EFL1: variants seen among roughly 807,000 people sequenced by gnomAD.
EFL1 encodes the protein elongation factor like GTPase 1, also known as elongation factor-like GTPase 1.
A neutral mutation model predicts 126.7 loss-of-function variants in EFL1; 76 were observed. The ratio of observed to expected loss-of-function variants is 0.60; its 90% confidence interval spans 0.50 to 0.73. The LOEUF is 0.73. Ranked by LOEUF, EFL1 falls within the 30% of genes least tolerant of loss-of-function variation. The pLI is 0.00. For missense variants in EFL1, 1,128 were observed against 1,343.2 expected (o/e 0.84, Z 2.50); for synonymous variants, 410 against 448.4 (o/e 0.91, Z 1.08).
chr15:82,207,286 G>GTATATA lies in EFL1; in HGVS notation c.1750+7425_1750+7430dup, dbSNP rs752549886. ...AACATATATATATATTTATGTGTGT[G>GTATATA]TATATATATATATATATATATACAC... On this transcript the variant is annotated intron_variant, in intron 15 of 19. Transcript: ENST00000268206. 2.1e-5 allele frequency among the ~76,000 whole-genome samples: 3 copies of GTATATA among 140,046 alleles called. No homozygotes were observed. In the East Asian group the frequency reaches 6.0e-4, roughly 28 times the overall value. The allele number at this position is 140,046 out of a possible 152,430, so 91.9% of individuals were successfully genotyped here. A position where few individuals can be genotyped will look rare whatever the true frequency, so the allele number is the denominator to read the frequency against.
chr15:82,244,342 A>G (rs191343319), intron 4 of EFL1, among the ~76,000 whole-genome samples: 24 of 152,270 alleles, frequency 1.6e-4, no homozygotes, highest in African/African-American at 1.7e-4. Context: ...GGGGTTTACC[A>G]TGGTAGATAT....
At chr15:82,187,196 T>C (rs2074312942) in intron 15 of EFL1, among the ~76,000 whole-genome samples, 1 of 152,218 alleles carries the variant, frequency 6.6e-6, no homozygotes, top group Non-Finnish European at 1.5e-5. Context: ...CACTTGTCAA[T>C]GAGCAAAGAG....
chr15:82,208,119 A>G (rs28694364), intron 15 of EFL1, among the ~76,000 whole-genome samples: 25,773 of 152,258 alleles, frequency 0.17, 2,547 homozygotes, highest in Non-Finnish European at 0.24. Context: ...ATAAAACTAT[A>G]TTAAAATAAA....
chr15:82,182,059 G>A (rs2074257180), intron 15 of EFL1, among the ~76,000 whole-genome samples: 1 of 151,752 alleles, frequency 6.6e-6, no homozygotes, highest in South Asian at 2.1e-4. Context: ...GGAGTTTGAG[G>A]CCAGCCTGGT....
intron 4 of EFL1, among the ~76,000 whole-genome samples, chr15:82,251,016 A>G (rs1733747500): frequency 6.6e-6 from 1 of 152,022 alleles, no homozygotes; most frequent in Admixed American, 6.6e-5. Context: ...GTTCAAGACC[A>G]GCCTGGCCAA....
chr15:82,156,791 A>C (rs1025514636), intron 17 of EFL1, among the ~76,000 whole-genome samples: 2 of 152,220 alleles, frequency 1.3e-5, no homozygotes, highest in Admixed American at 6.5e-5. Flanking sequence ...AAAAAGAAGG[A>C]AGGCCATTAC....
chr15:82,214,593 A>G lies in EFL1; in HGVS notation c.1750+124T>C, dbSNP rs1263079785. 9.2e-6 allele frequency: 12 copies of G among 1,303,918 alleles called. No homozygotes were observed. The East Asian group carries it at 3.1e-4, about 34-fold the overall frequency. The allele number at this position is 1,303,918 out of a possible 1,614,324, so 80.8% of individuals were successfully genotyped here. On this transcript the variant is annotated intron_variant, in intron 15 of 19. Transcript: ENST00000268206. ...TCCAATGTACTAAGTTAAAGATACC[A>G]GAAAAAAAAATTATCAAACTAAAGA...
chr15:82,172,180 G>A (rs2074143488), intron 15 of EFL1, among the ~76,000 whole-genome samples: 2 of 152,108 alleles, frequency 1.3e-5, no homozygotes, highest in South Asian at 4.1e-4. Flanking sequence ...AAGAAACCAC[G>A]TGCTGGCAGT....
intron 18 of EFL1, among the ~76,000 whole-genome samples, chr15:82,148,429 T>G (rs2073872457): frequency 6.6e-6 from 1 of 151,994 alleles, no homozygotes; most frequent in South Asian, 2.1e-4. Flanking sequence ...GATTTTGGAT[T>G]TTCAGATTTG....
At chr15:82,236,914 C>T (rs149708127) in intron 7 of EFL1, among the ~76,000 whole-genome samples, 3 of 152,234 alleles carry the variant, frequency 2.0e-5, no homozygotes, top group East Asian at 3.9e-4. Flanking sequence ...GAGGCCGAGG[C>T]GGATCACTTG....
rs148923490 is a variant in EFL1, at chr15:82,187,454, A to T, written c.1751-23470T>A. Among the ~76,000 whole-genome samples the T allele has an allele frequency of 3.4e-3, 516 of 152,236 alleles. 8 individuals carry two copies. Among genetic ancestry groups the T allele is most frequent in the African/African-American group, 0.012 (496 of 41,494 alleles). ...TTATTTTGAACAATTTTTTATTATT[A>T]ACTTTGAGTTTTAGTTTATTTTGGT... is the stretch of plus-strand genomic sequence containing the variant. On this transcript the variant is annotated intron_variant, in intron 15 of 19. Coordinates refer to ENST00000268206, the MANE Select transcript of EFL1 (RefSeq NM_024580.6).
Position 82,238,342 on chromosome 15 carries a change from C to T in EFL1, c.696G>A (p.Val232=), listed in dbSNP as rs754398356. 2 of 1,614,154 alleles carry T rather than the reference C, an allele frequency of 1.2e-6. No individual in the cohort carries two copies. The highest frequency in any genetic ancestry group is 2.2e-5 in the East Asian group (1 of 44,888). ...ACCCATCTATTGCACTGGTAAACAC[C>T]ACATTTCCCTGTTCTGGAGAGAAGT... The part of the protein sequence containing the change: ...HLYFSPEQGN[V]VFTSAIDGWG... Residue 232 remains valine (V), a synonymous_variant, in exon 7 of 20, where the codon GTG becomes GTA. Coordinates refer to ENST00000268206, the MANE Select transcript of EFL1 (RefSeq NM_024580.6).
At chr15:82,176,080 G>A (rs1388426535) in intron 15 of EFL1, among the ~76,000 whole-genome samples, 1 of 152,124 alleles carries the variant, frequency 6.6e-6, no homozygotes, top group African/African-American at 2.4e-5. Flanking sequence ...TGGCAATGGT[G>A]ACACTGCAGT....
intron 15 of EFL1, among the ~76,000 whole-genome samples, chr15:82,195,319 G>A (rs1403408752): frequency 5.3e-5 from 8 of 152,290 alleles, no homozygotes; most frequent in Middle Eastern, 3.4e-3. Context: ...CTAATGTTCT[G>A]TTACCCACAA....
At chr15:82,253,445 A>C (rs1049301127) in intron 3 of EFL1, among the ~76,000 whole-genome samples, 43 of 151,998 alleles carry the variant, frequency 2.8e-4, no homozygotes, top group African/African-American at 1.0e-3. Context: ...AGGAACCATA[A>C]ATGTATTGAA....
chr15:82,195,285 A>G (rs2074397425), intron 15 of EFL1, among the ~76,000 whole-genome samples: 1 of 152,228 alleles, frequency 6.6e-6, no homozygotes, highest in Admixed American at 6.5e-5. Context: ...AGGAGTGAAG[A>G]TATTTAGAAA....
chr15:82,151,367 G>A (rs1227861973), intron 18 of EFL1, 98 bp downstream of exon 18: 9 of 1,197,292 alleles, frequency 7.5e-6, no homozygotes, highest in South Asian at 2.9e-5. Context: ...CAGCTGGGGC[G>A]ACAGAATGAG....
intron 15 of EFL1, among the ~76,000 whole-genome samples, chr15:82,169,011 G>T (rs2074106362): frequency 6.6e-6 from 1 of 152,106 alleles, no homozygotes; most frequent in African/African-American, 2.4e-5. Context: ...TCACTGTAAG[G>T]TCCCAATTTA....
At chr15:82,190,732 CTAAG>C (rs1163572446) in intron 15 of EFL1, among the ~76,000 whole-genome samples, 1 of 152,008 alleles carries the variant, frequency 6.6e-6, no homozygotes, top group Non-Finnish European at 1.5e-5. Flanking sequence ...CTTGAGTAAA[CTAAG>C]TGATAATACT....
Sources: gnomAD v4.1 joint callset for allele counts (sites outside exome capture counted in the v4.1 genomes callset) on GRCh38, gnomAD v4.1.1 for gene constraint, MANE v1.5 for transcripts, NCBI Gene and HGNC (gene_info 2026-07-23, HGNC 2026-07-21) for gene names.